The following MUC22 variants were observed in gnomAD, a reference collection of about 807,000 sequenced individuals.
The protein encoded by MUC22 is mucin-22.
Under a neutral mutation model 40.3 loss-of-function variants are expected in MUC22, and 24 were observed. The observed-to-expected ratio is 0.60, with a 90% CI of 0.43 to 0.84. The LOEUF (loss-of-function observed/expected upper bound fraction) is 0.84. Ranked by LOEUF, MUC22 falls within the 40% of genes least tolerant of loss-of-function variation. The pLI, the probability that MUC22 is intolerant of heterozygous loss-of-function variation, is 0.00. For missense variants in MUC22, 1,926 were observed against 2,130.7 expected (o/e 0.90, Z 1.89); for synonymous variants, 765 against 844.5 (o/e 0.91, Z 1.63).
chr6:31,020,560 G>A (rs9391704), intron 1 of MUC22, among the ~76,000 whole-genome samples: 1 of 151,374 alleles, frequency 6.6e-6, no homozygotes, highest in African/African-American at 2.4e-5. Flanking sequence ...CAGCGTGCTG[G>A]CAGTCCTCAG....
At chr6:31,013,866 A>C (rs908022711) in intron 1 of MUC22, among the ~76,000 whole-genome samples, 3 of 148,686 alleles carry the variant, frequency 2.0e-5, no homozygotes, top group African/African-American at 7.5e-5. Flanking sequence ...TTGTTGGTTG[A>C]GGTTTTTTGG....
chr6:31,009,895 T>C (rs2150737286), upstream of MUC22, among the ~76,000 whole-genome samples: 1 of 152,282 alleles, frequency 6.6e-6, no homozygotes, highest in Admixed American at 6.5e-5. Flanking sequence ...TCTTCCCTAC[T>C]CACTTCCGCT....
At chr6:31,023,042 A>C (rs1346419708) in intron 1 of MUC22, among the ~76,000 whole-genome samples, 1 of 152,144 alleles carries the variant, frequency 6.6e-6, no homozygotes, top group Non-Finnish European at 1.5e-5. Flanking sequence ...AGGCAGGAGA[A>C]TCACTTGAAC....
chr6:31,012,563 G>T lies in MUC22; in HGVS notation c.70+1787G>T, dbSNP rs62399424. Among the ~76,000 whole-genome samples, 346 of 152,338 alleles carry T rather than the reference G, an allele frequency of 2.3e-3. 2 individuals carry two copies. The highest frequency in any genetic ancestry group is 3.6e-3 in the Non-Finnish European group (242 of 68,030). On this transcript the variant is annotated intron_variant, in intron 1 of 3. Coordinates refer to ENST00000561890, the Ensembl canonical transcript of MUC22. The stretch of plus-strand genomic sequence containing the variant: ...CTGCTGCGTGCTAGGCCATGGTGAG[G>T]AATGGAGTGGGAAATGCCATGGTCT...
At chr6:31,014,263 T>C (rs190838019) in intron 1 of MUC22, among the ~76,000 whole-genome samples, 16 of 152,302 alleles carry the variant, frequency 1.1e-4, no homozygotes, top group Admixed American at 9.8e-4. Flanking sequence ...ATATATGTAA[T>C]TAATTCATCC....
intron 1 of MUC22, among the ~76,000 whole-genome samples, chr6:31,017,835 G>A (rs1277282041): frequency 1.3e-5 from 2 of 152,204 alleles, no homozygotes; most frequent in Non-Finnish European, 2.9e-5. Flanking sequence ...AGCCAGCAGT[G>A]GCAATCCGCT....
chr6:31,012,405 C>T (rs1029773346), intron 1 of MUC22, among the ~76,000 whole-genome samples: 3 of 152,176 alleles, frequency 2.0e-5, no homozygotes, highest in Admixed American at 1.3e-4. Flanking sequence ...CAGATCTGCC[C>T]GTCGCCTGTC....
At chr6:31,023,166 TAA>T (rs200740913) in intron 1 of MUC22, among the ~76,000 whole-genome samples, 1 of 102,202 alleles carries the variant, frequency 9.8e-6, no homozygotes, top group Admixed American at 8.8e-5. Context: ...CTGGGTTAAT[TAA>T]AAAAAAAAAA....
Position 31,027,562 on chromosome 6 carries a change from G to T in MUC22, c.2131G>T (p.Glu711Ter). ...CTCTGAGACCACCACAGCTTCTACT[G>T]AAGGTTCTGAGACCACTACAGTCAC... The change falls in exon 2 of 4, where the codon GAA (glutamate) becomes TAA (stop). Residue 711 changes from glutamate to a stop codon, truncating the protein, a stop_gained. Transcript: ENST00000561890. LOFTEE classifies it high-confidence loss of function. 2 of 1,526,198 alleles carry T rather than the reference G, an allele frequency of 1.3e-6. No individual in the cohort carries two copies. The highest frequency in any genetic ancestry group is 3.4e-4 in the Middle Eastern group (2 of 5,926). 94.5% of individuals were successfully genotyped at this position (1,526,198 alleles called of 1,614,324 possible).
intron 1 of MUC22, among the ~76,000 whole-genome samples, chr6:31,022,503 G>C (rs1456064733): frequency 6.6e-6 from 1 of 151,686 alleles, no homozygotes; most frequent in Non-Finnish European, 1.5e-5. Context: ...AAAAAATTTA[G>C]ATCTATGCAA....
At chr6:31,026,178 G>A (rs753324765) in exon 2 of MUC22, 12 of 1,521,648 alleles carry the variant, frequency 7.9e-6, no homozygotes, top group East Asian at 5.0e-5. Flanking sequence ...AGGTGATCAC[G>A]GCATCCAGCA....
exon 2 of MUC22, chr6:31,027,577 A>T (rs1392465355): frequency 6.5e-7 from 1 of 1,527,060 alleles, no homozygotes. Flanking sequence ...TTCTGAGACC[A>T]CTACAGTCAC....
At chr6:31,033,507 CTTT>C in intron 3 of MUC22, among the ~76,000 whole-genome samples, 1 of 152,280 alleles carries the variant, frequency 6.6e-6, no homozygotes, top group East Asian at 1.9e-4. Context: ...CTTGATTGTT[CTTT>C]GAATACATAT....
intron 1 of MUC22, among the ~76,000 whole-genome samples, chr6:31,016,530 G>A (rs1328933527): frequency 6.6e-6 from 1 of 152,238 alleles, no homozygotes; most frequent in Non-Finnish European, 1.5e-5. Context: ...CTGCTGAAGT[G>A]CTGGAAGCTG....
Position 31,032,566 on chromosome 6 carries a change from A to G in MUC22, c.5040A>G (p.Gly1680=). 6.5e-7 allele frequency: 1 copy of G among 1,534,690 alleles called. No homozygotes were observed. Among genetic ancestry groups the G allele is most frequent in the Non-Finnish European group, 8.7e-7 (1 of 1,146,314 alleles). Residue 1680 remains glycine, a synonymous_variant, in exon 3 of 4, where the codon GGA becomes GGG. Transcript: ENST00000561890. This position sits in a 1 kb window ranked among gnomAD's most constrained non-coding sequence, Gnocchi z 4.1. Reference sequence around the variant, plus strand: ...TGGCTGCTGTTGGATTGTCAGTAGGACTGAGTTTTTGTCTGGTGAGTACCC... The same window carrying G: ...TGGCTGCTGTTGGATTGTCAGTAGGGCTGAGTTTTTGTCTGGTGAGTACCC...
At chr6:31,015,622 G>A (rs1356382495) in intron 1 of MUC22, among the ~76,000 whole-genome samples, 2 of 152,184 alleles carry the variant, frequency 1.3e-5, no homozygotes, top group African/African-American at 4.8e-5. Flanking sequence ...GGATGGATAT[G>A]ATTTTTCTCA....
In MUC22 at chr6:31,034,690, CT is replaced by C; in HGVS notation, c.5075del (p.Leu1692ArgfsTer20). Reference sequence around the variant, plus strand: ...CTTTTAGAGAAACCTTTTCTTCCCCCTGAGATATTGTGGTATTTATTACCCC... The same window carrying C: ...CTTTTAGAGAAACCTTTTCTTCCCCCGAGATATTGTGGTATTTATTACCCC... On this transcript the variant is annotated frameshift_variant, in exon 4 of 4. Transcript: ENST00000561890. LOFTEE classifies it low-confidence loss of function (END_TRUNC). The C allele has an allele frequency of 6.5e-7, 1 of 1,534,516 alleles. No individual in the cohort carries two copies. The highest frequency in any genetic ancestry group is 8.7e-7 in the Non-Finnish European group (1 of 1,146,248).
chr6:31,034,722 C>T, exon 4 of MUC22: 2 of 1,535,560 alleles, frequency 1.3e-6, no homozygotes, highest in Non-Finnish European at 1.7e-6. Flanking sequence ...ACCCCCATGG[C>T]CACAGCCACA....
At chr6:31,022,470 A>T (rs772727375) in intron 1 of MUC22, among the ~76,000 whole-genome samples, 1 of 152,170 alleles carries the variant, frequency 6.6e-6, no homozygotes, top group African/African-American at 2.4e-5. Flanking sequence ...ATTTTTTTTT[A>T]AATGTAAAAG....
Sources: allele counts gnomAD v4.1 joint callset (sites outside exome capture counted in the v4.1 genomes callset), GRCh38; gene constraint gnomAD v4.1.1; non-coding constraint Gnocchi (gnomAD v3.1); transcripts MANE v1.5; gene names NCBI Gene and HGNC (gene_info 2026-07-23, HGNC 2026-07-21).